CNOT2: variants seen among roughly 807,000 people sequenced by gnomAD.
CNOT2 encodes CC chemokine receptor 4-negative regulator of transcription 2.
Under a neutral mutation model 72.1 loss-of-function variants are expected in CNOT2, and 7 were observed. That is an observed-to-expected ratio of 0.10 (90% CI 0.06 to 0.18). The LOEUF (loss-of-function observed/expected upper bound fraction) is 0.18. Ranked by LOEUF, CNOT2 falls within the 10% of genes least tolerant of loss-of-function variation. The probability of loss-of-function intolerance (pLI) is 1.00; values close to 1 mark genes in which losing one functional copy is unlikely to be tolerated. For synonymous variants in CNOT2, 196 were observed against 225.6 expected (o/e 0.87, Z 1.17); for missense variants, 345 against 660.3 (o/e 0.52, Z 5.23).
At chr12:70,297,236 G>A (rs1872964317) in intron 2 of CNOT2, among the ~76,000 whole-genome samples, 1 of 152,202 alleles carries the variant, frequency 6.6e-6, no homozygotes, top group Non-Finnish European at 1.5e-5. Context: ...AAATTACTCA[G>A]ATCTCCATTA....
rs1880484012 is a variant in CNOT2 at position 70,335,038 on chromosome 12, G to A, written c.650-400G>A. ...GCACTATCATTGTCACCATTTGTGT[G>A]TAACCGAAGCTTCAAGCATTCTAGA... On this transcript the variant is annotated intron_variant, in intron 7 of 15. Transcript: ENST00000229195. 1.7e-4 allele frequency: 27 copies of A among 157,582 alleles called. 3 individuals carry two copies. The South Asian group carries it at 4.9e-3, about 29-fold the overall frequency. 9.8% of individuals were successfully genotyped at this position (157,582 alleles called of 1,614,324 possible).
intron 7 of CNOT2, among the ~76,000 whole-genome samples, chr12:70,333,290 G>A (rs1316398287): frequency 6.6e-6 from 1 of 151,844 alleles, no homozygotes; most frequent in Non-Finnish European, 1.5e-5. Flanking sequence ...TTTCTTAATA[G>A]TTTTAATAAT....
intron 1 of CNOT2, among the ~76,000 whole-genome samples, chr12:70,274,393 T>A (rs1868408526): frequency 6.6e-6 from 1 of 152,106 alleles, no homozygotes; most frequent in African/African-American, 2.4e-5. Flanking sequence ...TAGTTTGTCC[T>A]AATTAATAGC....
intron 1 of CNOT2, among the ~76,000 whole-genome samples, chr12:70,259,033 A>G (rs529186667): frequency 6.6e-5 from 10 of 152,352 alleles, no homozygotes; most frequent in South Asian, 4.1e-4. Flanking sequence ...TATACCTTGT[A>G]TATACTCTTC....
At chr12:70,271,321 A>C (rs934437198) in intron 1 of CNOT2, among the ~76,000 whole-genome samples, 2 of 151,264 alleles carry the variant, frequency 1.3e-5, no homozygotes, top group African/African-American at 4.9e-5. Flanking sequence ...TTCATAAATC[A>C]ATTACTGACA....
chr12:70,327,430 A>G (rs1879261064), intron 4 of CNOT2: 4 of 152,048 alleles, frequency 2.6e-5, no homozygotes, highest in Middle Eastern at 3.4e-3. Context: ...GGCTCCTGTC[A>G]TGCTGCTATT....
intron 6 of CNOT2, chr12:70,331,761 T>G (rs1439253378): frequency 6.6e-6 from 1 of 151,830 alleles, no homozygotes; most frequent in African/African-American, 2.4e-5. Context: ...ATCAAAAAAT[T>G]GTTTCACTAT....
intron 14 of CNOT2, chr12:70,344,475 C>G (rs1881911511): frequency 7.5e-6 from 3 of 397,908 alleles, no homozygotes; most frequent in Non-Finnish European, 9.1e-6. Flanking sequence ...CACTTGTAAT[C>G]CCAGCACTTT....
At chr12:70,288,136 C>CTTTTTTT (rs68143994) in intron 2 of CNOT2, among the ~76,000 whole-genome samples, 16 of 86,698 alleles carry the variant, frequency 1.8e-4, no homozygotes, top group East Asian at 8.6e-4. Flanking sequence ...TGGTGTAGCT[C>CTTTTTTT]TTTTTTTTTT....
At chr12:70,300,189 C>A (rs963865331) in intron 2 of CNOT2, among the ~76,000 whole-genome samples, 44 of 152,120 alleles carry the variant, frequency 2.9e-4, no homozygotes, top group African/African-American at 5.3e-4. Context: ...CTCTGATGGT[C>A]GTTTCTTTTG....
chr12:70,290,722 T>A (rs1014591845), intron 2 of CNOT2: 1 of 152,188 alleles, frequency 6.6e-6, no homozygotes, highest in African/African-American at 2.4e-5. Context: ...AAATTTTTTT[T>A]ATAGAGACAG....
At chr12:70,286,884 T>G (rs951035582) in intron 2 of CNOT2, among the ~76,000 whole-genome samples, 10 of 152,126 alleles carry the variant, frequency 6.6e-5, no homozygotes, top group African/African-American at 2.4e-4. Context: ...CATAAGGGAC[T>G]TAGAAATCTT....
At chr12:70,310,550 A>G (rs1460501601) in intron 2 of CNOT2, among the ~76,000 whole-genome samples, 1 of 152,098 alleles carries the variant, frequency 6.6e-6, no homozygotes. Context: ...GCATGTGAAG[A>G]TTTTGAATAA....
intron 8 of CNOT2, 21 bp downstream of exon 8, chr12:70,335,584 T>C: frequency 1.9e-6 from 3 of 1,594,970 alleles, no homozygotes; most frequent in Non-Finnish European, 2.6e-6. Flanking sequence ...TTTTTAATGA[T>C]GGCCAGTAGA....
intron 2 of CNOT2, among the ~76,000 whole-genome samples, chr12:70,310,599 G>A (rs930191542): frequency 6.6e-6 from 1 of 152,014 alleles, no homozygotes; most frequent in Non-Finnish European, 1.5e-5. Flanking sequence ...CTATGTATGG[G>A]AAAATGATAT....
At position 70,263,478 on chromosome 12, in the gene CNOT2, G is replaced by A. The variant is rs140801104; in HGVS notation, c.-95-14654G>A. ...GTTCTCCTGGTTCAGATATGCTTTT[G>A]AGCCCCTCTTATTTTTGAGCCTCTG... On this transcript the variant is annotated intron_variant, in intron 1 of 15. Coordinates refer to ENST00000229195, the MANE Select transcript of CNOT2 (RefSeq NM_014515.7). Among the ~76,000 whole-genome samples, 32 of 151,892 alleles carry A rather than the reference G, an allele frequency of 2.1e-4. No individual in the cohort carries two copies. The East Asian group carries it at 4.5e-3, about 21-fold the overall frequency.
intron 1 of CNOT2, 71 bp from the exon 2 acceptor site, chr12:70,278,061 G>T (rs958521510): frequency 1.9e-6 from 1 of 520,148 alleles, no homozygotes; most frequent in Non-Finnish European, 3.5e-6. Context: ...GTATCATATT[G>T]AATATTTTTG....
At chr12:70,287,481 G>A (rs12307481) in intron 2 of CNOT2, among the ~76,000 whole-genome samples, 2 of 149,048 alleles carry the variant, frequency 1.3e-5, no homozygotes, top group East Asian at 4.1e-4. Context: ...TCTTTTTGTT[G>A]CTGATTTCTC....
rs1051854785 is a variant in CNOT2, at chr12:70,289,013, CT to C, written c.48+10748del. Among the ~76,000 whole-genome samples the C allele has an allele frequency of 3.4e-3, 511 of 150,736 alleles. 5 individuals carry two copies. The highest frequency in any genetic ancestry group is 0.011 in the African/African-American group (456 of 41,168). On this transcript the variant is annotated intron_variant, in intron 2 of 15. Transcript: ENST00000229195. ...CTTATCCCTTTCTTCTCTCCTTTCG[CT>C]TTTTTTTTATTCCCTCCCTTGCCCT... is the stretch of plus-strand genomic sequence containing the variant.
Sources: allele counts gnomAD v4.1 joint callset (sites outside exome capture counted in the v4.1 genomes callset), GRCh38; gene constraint gnomAD v4.1.1; transcripts MANE v1.5; gene names NCBI Gene and HGNC (gene_info 2026-07-23, HGNC 2026-07-21).